The following MAP2K1 variants were observed in gnomAD, a reference collection of about 807,000 sequenced individuals.
The protein encoded by MAP2K1 is dual specificity mitogen-activated protein kinase kinase 1.
A neutral mutation model predicts 46.3 loss-of-function variants in MAP2K1; 16 were observed. That is an observed-to-expected ratio of 0.35 (90% CI 0.23 to 0.52). The LOEUF is 0.52. Ranked by LOEUF, MAP2K1 falls within the 20% of genes least tolerant of loss-of-function variation. The pLI, the probability that MAP2K1 is intolerant of heterozygous loss-of-function variation, is 0.94. For missense variants in MAP2K1, 263 were observed against 497.1 expected (o/e 0.53, Z 4.48); for synonymous variants, 183 against 185.6 (o/e 0.99, Z 0.11).
intron 1 of MAP2K1, 147 bp downstream of exon 1, chr15:66,387,574 G>T: frequency 1.3e-6 from 1 of 785,188 alleles, no homozygotes; most frequent in Non-Finnish European, 2.2e-6. Flanking sequence ...CGAGGTATCG[G>T]TGACTAAGCA....
rs1052607112 is a variant in MAP2K1 at position 66,387,164 on chromosome 15, T to G, written c.-184T>G. 1 of 474,782 alleles carries G rather than the reference T, an allele frequency of 2.1e-6. No individual in the cohort carries two copies. The allele number at this position is 474,782 out of a possible 1,614,324, so 29.4% of individuals were successfully genotyped here. ...GAGTCCCGGGCGGGTGGGGCGGGGG[T>G]CCACTGAGACCGCTACCGGCCCCTC... On this transcript the variant is annotated 5_prime_UTR_variant, in exon 1 of 11. Transcript: ENST00000307102.
intron 10 of MAP2K1, 98 bp downstream of exon 10, chr15:66,489,861 T>A: frequency 9.8e-7 from 1 of 1,019,392 alleles, no homozygotes; most frequent in Non-Finnish European, 1.6e-6. Context: ...ATTCATTCCC[T>A]GCCCACTGTG....
At chr15:66,395,770 G>A (rs1009492890) in intron 1 of MAP2K1, among the ~76,000 whole-genome samples, 3 of 151,242 alleles carry the variant, frequency 2.0e-5, no homozygotes, top group East Asian at 2.0e-4. Context: ...TAGAGACGGC[G>A]TCTCACCATG....
Position 66,487,226 on chromosome 15 carries a change from A to G in MAP2K1, c.896-2A>G. 6.2e-7 allele frequency: 1 copy of G among 1,613,728 alleles called. No individual in the cohort carries two copies. The highest frequency in any genetic ancestry group is 8.5e-7 in the Non-Finnish European group (1 of 1,179,584). On this transcript the variant is annotated splice_acceptor_variant, in intron 7 of 10. Coordinates refer to ENST00000307102, the MANE Select transcript of MAP2K1 (RefSeq NM_002755.4). LOFTEE classifies it high-confidence loss of function. ...TATTTTTTCTTTTTATAAAATTTGT[A>G]GCATACGGAATGGACAGCCGACCTC...
intron 5 of MAP2K1, among the ~76,000 whole-genome samples, chr15:66,448,167 A>AAAC (rs1567013790): frequency 6.8e-6 from 1 of 147,392 alleles, no homozygotes; most frequent in Admixed American, 6.8e-5. Flanking sequence ...AAAAAAAAAA[A>AAAC]AAAAAACCCA....
chr15:66,400,851 C>T (rs2093379907), intron 1 of MAP2K1, among the ~76,000 whole-genome samples: 1 of 152,154 alleles, frequency 6.6e-6, no homozygotes, highest in South Asian at 2.1e-4. Flanking sequence ...AAGAGGTCAC[C>T]TGGAGGTTGA....
At chr15:66,424,064 A>AT (rs55863611) in intron 1 of MAP2K1, among the ~76,000 whole-genome samples, 132,896 of 147,730 alleles carry the variant, frequency 0.9, 61,290 homozygotes, top group East Asian at 1. Context: ...TGTCTTGTGC[A>AT]TTTTTTTTTT....
At chr15:66,426,373 A>AAC (rs1555415242) in intron 1 of MAP2K1, among the ~76,000 whole-genome samples, 16 of 151,674 alleles carry the variant, frequency 1.1e-4, no homozygotes, top group African/African-American at 3.6e-4. Flanking sequence ...AAAAAAAAAA[A>AAC]ACCTTTATAA....
At chr15:66,429,473 TA>T (rs1479880370) in intron 1 of MAP2K1, among the ~76,000 whole-genome samples, 11 of 152,296 alleles carry the variant, frequency 7.2e-5, no homozygotes, top group Admixed American at 6.5e-4. Context: ...CCATATCATA[TA>T]GTACATACTC....
rs1277661406 is a variant in MAP2K1, at chr15:66,420,809, ATATATG to A, written c.81-14216_81-14211del. ...TATATGTGTGTATATATATGTGTAT[ATATATG>A]TGTATATATATATGTGTATATATAT... On this transcript the variant is annotated intron_variant, in intron 1 of 10. Coordinates refer to ENST00000307102, the MANE Select transcript of MAP2K1 (RefSeq NM_002755.4). Among the ~76,000 whole-genome samples, 162 of 46,700 alleles carry A rather than the reference ATATATG, an allele frequency of 3.5e-3. 39 individuals carry two copies. The highest frequency in any genetic ancestry group is 6.6e-3 in the East Asian group (4 of 610). 30.6% of individuals were successfully genotyped at this position (46,700 alleles called of 152,430 possible).
rs199629732 is a variant in MAP2K1, at chr15:66,394,402, C to CT, written c.80+6983dup. ...AGAAAGGTTGAGACAGGTTGATGTG[C>CT]TTTTTTTTGTCTCTTATGGCTCTTT... On this transcript the variant is annotated intron_variant, in intron 1 of 10. Transcript: ENST00000307102. Among the ~76,000 whole-genome samples, 740 of 149,652 alleles carry CT rather than the reference C, an allele frequency of 4.9e-3. 6 individuals carry two copies. Among genetic ancestry groups the CT allele is most frequent in the African/African-American group, 0.017 (700 of 40,592 alleles).
chr15:66,408,277 T>A (rs1566998488), intron 1 of MAP2K1, among the ~76,000 whole-genome samples: 1 of 152,236 alleles, frequency 6.6e-6, no homozygotes, highest in Non-Finnish European at 1.5e-5. Context: ...CTTCAGCTGC[T>A]CTTTATCCAA....
Position 66,481,849 on chromosome 15 carries a change from C to T in MAP2K1, c.663C>T (p.Asn221=), listed in dbSNP as rs1412905565. Residue 221 remains asparagine (N), a synonymous_variant, in exon 6 of 11, where the codon AAC becomes AAT. Coordinates refer to ENST00000307102, the MANE Select transcript of MAP2K1 (RefSeq NM_002755.4). ...GGCAGCTCATCGACTCCATGGCCAACTCCTTCGTGGGCACAAGGTCCTACA... is the reference window on the plus strand; with the variant it reads ...GGCAGCTCATCGACTCCATGGCCAATTCCTTCGTGGGCACAAGGTCCTACA... ...VSGQLIDSMA[N]SFVGTRSYMS... is the part of the protein sequence containing the mutation. 1 of 1,614,106 alleles carries T rather than the reference C, an allele frequency of 6.2e-7. No homozygotes were observed.
chr15:66,458,194 G>A (rs1448703723), intron 5 of MAP2K1, among the ~76,000 whole-genome samples: 2 of 152,116 alleles, frequency 1.3e-5, no homozygotes, highest in African/African-American at 2.4e-5. Context: ...TGAAGAGGGC[G>A]CTAGGATACT....
At chr15:66,421,473 G>A (rs1011542721) in intron 1 of MAP2K1, among the ~76,000 whole-genome samples, 4 of 151,170 alleles carry the variant, frequency 2.6e-5, no homozygotes, top group African/African-American at 4.9e-5. Flanking sequence ...TGCTAACTGC[G>A]AGTTAATGGT....
chr15:66,409,774 G>A (rs1398954595), intron 1 of MAP2K1, among the ~76,000 whole-genome samples: 3 of 152,050 alleles, frequency 2.0e-5, no homozygotes, highest in African/African-American at 7.2e-5. Flanking sequence ...TCACACCCCC[G>A]CTAATATATC....
chr15:66,457,217 CAA>C (rs1892187875), intron 5 of MAP2K1, among the ~76,000 whole-genome samples: 1 of 152,348 alleles, frequency 6.6e-6, no homozygotes, highest in Non-Finnish European at 1.5e-5. Flanking sequence ...CTCTCAGGTT[CAA>C]GAGATTCTCG....
At chr15:66,436,669 A>T (rs2093488821) in intron 2 of MAP2K1, 77 bp from the exon 3 acceptor site, 3 of 1,427,210 alleles carry the variant, frequency 2.1e-6, no homozygotes, top group Non-Finnish European at 3.0e-6. Context: ...GAGCTTAAAC[A>T]TTTAACAAGA....
intron 1 of MAP2K1, among the ~76,000 whole-genome samples, chr15:66,409,963 A>G (rs564685356): frequency 6.6e-6 from 1 of 152,308 alleles, no homozygotes; most frequent in African/African-American, 2.4e-5. Flanking sequence ...CCTTCTCCCC[A>G]GAGTATAACC....
Sources: gnomAD v4.1 joint callset for allele counts (sites outside exome capture counted in the v4.1 genomes callset) on GRCh38, gnomAD v4.1.1 for gene constraint, MANE v1.5 for transcripts, NCBI Gene and HGNC (gene_info 2026-07-23, HGNC 2026-07-21) for gene names.